Variants in DACH2 observed in about 807,000 individuals in gnomAD.
DACH2 encodes dachshund family transcription factor 2.
Under a neutral mutation model 35.8 loss-of-function variants are expected in DACH2, and 17 were observed. The ratio of observed to expected loss-of-function variants is 0.48; its 90% confidence interval spans 0.33 to 0.71. The LOEUF (loss-of-function observed/expected upper bound fraction) is 0.71, where lower values mean the gene tolerates loss of function less well. Ranked by LOEUF, DACH2 falls within the 30% of genes least tolerant of loss-of-function variation. DACH2 has a pLI of 0.02. For missense variants in DACH2, 469 were observed against 472.7 expected (o/e 0.99, Z 0.07); for synonymous variants, 195 against 177.3 (o/e 1.10, Z -0.79).
At chrX:86,633,484 A>T (rs1233298187) in intron 3 of DACH2, among the ~76,000 whole-genome samples, 1 of 111,779 alleles carries the variant, frequency 8.9e-6, no homozygotes, top group Non-Finnish European at 1.9e-5. Context: ...CACACAAAAA[A>T]ATCCTGGGAC....
chrX:86,349,487 G>C lies in DACH2; in HGVS notation c.489-27337G>C, dbSNP rs1326427237. On this transcript the variant is annotated intron_variant, in intron 1 of 11. Coordinates refer to ENST00000373125, the MANE Select transcript of DACH2 (RefSeq NM_053281.3). Reference sequence around the variant, plus strand: ...TTTGGGTGCGAAAACAGGAGTGCCTGTCCTCACCTGGGTCCTAGGGCACAG... The same window carrying C: ...TTTGGGTGCGAAAACAGGAGTGCCTCTCCTCACCTGGGTCCTAGGGCACAG... 2.7e-5 allele frequency among the ~76,000 whole-genome samples: 3 copies of C among 112,255 alleles called. No individual in the cohort carries two copies. In the East Asian group the frequency reaches 8.6e-4, roughly 32 times the overall value.
intron 1 of DACH2, among the ~76,000 whole-genome samples, chrX:86,295,747 C>A (rs1569336321): frequency 1.8e-5 from 2 of 111,246 alleles, no homozygotes; most frequent in South Asian, 7.6e-4. Context: ...TCTGTCTCCT[C>A]AGACACAGAA....
chrX:86,646,755 C>G (rs182803382), intron 3 of DACH2, among the ~76,000 whole-genome samples: 84 of 109,405 alleles, frequency 7.7e-4, no homozygotes, highest in African/African-American at 2.6e-3. Context: ...AAAAAATAAA[C>G]GCTAAAAGCC....
At chrX:86,537,325 T>C (rs2038817229) in intron 3 of DACH2, among the ~76,000 whole-genome samples, 1 of 111,472 alleles carries the variant, frequency 9.0e-6, no homozygotes, top group African/African-American at 3.3e-5. Context: ...TTGACATATT[T>C]CCTTCCTCCA....
intron 1 of DACH2, among the ~76,000 whole-genome samples, chrX:86,367,200 G>T (rs1332522546): frequency 1.2e-5 from 1 of 83,028 alleles, no homozygotes; most frequent in Non-Finnish European, 2.4e-5. Flanking sequence ...ATAGATTATT[G>T]TAAAAGAGAT....
chrX:86,484,852 G>A (rs1011694206), intron 2 of DACH2, among the ~76,000 whole-genome samples: 3 of 111,947 alleles, frequency 2.7e-5, no homozygotes, highest in South Asian at 7.3e-4. Context: ...AGATACTACC[G>A]TATATTTTAC....
chrX:86,274,655 C>T (rs1303210402), intron 1 of DACH2, among the ~76,000 whole-genome samples: 2 of 107,855 alleles, frequency 1.9e-5, no homozygotes, highest in Non-Finnish European at 3.8e-5. Context: ...CCACCACGCC[C>T]GGTTAATTTT....
chrX:86,763,862 T>G (rs955997218), intron 7 of DACH2, among the ~76,000 whole-genome samples: 1 of 111,838 alleles, frequency 8.9e-6, no homozygotes, highest in Non-Finnish European at 1.9e-5. Flanking sequence ...ACTTGTATAC[T>G]TATAATTTAT....
chrX:86,783,320 A>G (rs982776261), intron 7 of DACH2, among the ~76,000 whole-genome samples: 1 of 112,224 alleles, frequency 8.9e-6, no homozygotes, highest in Non-Finnish European at 1.9e-5. Flanking sequence ...TGTTGGTGGG[A>G]ATGTAAATTA....
chrX:86,598,550 C>A (rs771756550), intron 3 of DACH2, among the ~76,000 whole-genome samples: 1 of 111,308 alleles, frequency 9.0e-6, no homozygotes, highest in East Asian at 2.9e-4. Context: ...ATAGGGTAGT[C>A]TTTGCGGTTT....
chrX:86,385,389 G>A (rs1307181289), intron 2 of DACH2, among the ~76,000 whole-genome samples: 1 of 111,076 alleles, frequency 9.0e-6, no homozygotes, highest in African/African-American at 3.3e-5. Flanking sequence ...GCAGCCCTCC[G>A]TATCCATGGT....
intron 1 of DACH2, among the ~76,000 whole-genome samples, chrX:86,310,548 C>G (rs756742164): frequency 1.8e-5 from 2 of 111,672 alleles, no homozygotes; most frequent in African/African-American, 3.3e-5. Flanking sequence ...CCTGAAGGAC[C>G]GTGGTGAAGG....
intron 4 of DACH2, among the ~76,000 whole-genome samples, chrX:86,656,030 C>A (rs931676117): frequency 2.4e-5 from 1 of 41,376 alleles, no homozygotes. Flanking sequence ...AAATAAAGCT[C>A]CCCCCCCCCA....
intron 1 of DACH2, among the ~76,000 whole-genome samples, chrX:86,177,350 T>G (rs1182344508): frequency 8.9e-6 from 1 of 112,111 alleles, no homozygotes; most frequent in Admixed American, 9.5e-5. Flanking sequence ...TGCTGTTTTC[T>G]GAGTCATTCA....
At chrX:86,628,316 A>G (rs1043320555) in intron 3 of DACH2, among the ~76,000 whole-genome samples, 1 of 112,287 alleles carries the variant, frequency 8.9e-6, no homozygotes, top group Non-Finnish European at 1.9e-5. Context: ...TCTGAAGTTT[A>G]GCAGTGGATT....
At chrX:86,788,474 T>C (rs1241939424) in intron 7 of DACH2, among the ~76,000 whole-genome samples, 3 of 111,981 alleles carry the variant, frequency 2.7e-5, no homozygotes, top group African/African-American at 9.7e-5. Flanking sequence ...AGACCCCATG[T>C]ATGCAATTGA....
At chrX:86,543,192 A>G (rs188437873) in intron 3 of DACH2, among the ~76,000 whole-genome samples, 2 of 111,746 alleles carry the variant, frequency 1.8e-5, no homozygotes, top group African/African-American at 6.5e-5. Flanking sequence ...GGAACTCAGC[A>G]TGGGACTACT....
intron 2 of DACH2, among the ~76,000 whole-genome samples, chrX:86,468,157 G>T (rs2037703988): frequency 9.0e-6 from 1 of 111,666 alleles, no homozygotes; most frequent in African/African-American, 3.3e-5. Flanking sequence ...TTTTAATCTA[G>T]AAATATATAG....
chrX:86,460,880 C>T (rs1051288006), intron 2 of DACH2, among the ~76,000 whole-genome samples: 3 of 110,879 alleles, frequency 2.7e-5, no homozygotes, highest in Non-Finnish European at 1.9e-5. Flanking sequence ...TAACAAGACC[C>T]TTATTGCCTA....
Sources: gnomAD v4.1 joint callset for allele counts (sites outside exome capture counted in the v4.1 genomes callset) on GRCh38, gnomAD v4.1.1 for gene constraint, MANE v1.5 for transcripts, NCBI Gene and HGNC (gene_info 2026-07-23, HGNC 2026-07-21) for gene names.